The following TMEM272 variants were observed in gnomAD, a reference collection of about 807,000 sequenced individuals.
TMEM272 encodes the protein long intergenic non-protein coding RNA 282.
TMEM272 carries 8 observed loss-of-function variants against 3.7 expected under a neutral mutation model. That is an observed-to-expected ratio of 2.17 (90% CI 1.27 to 3.91). The LOEUF is 3.91. Among genes scored for constraint, TMEM272 ranks in the 30% most tolerant of loss-of-function variants. TMEM272 has a pLI of 0.00. For missense variants in TMEM272, 166 were observed against 91.5 expected (o/e 1.81, Z -3.32); for synonymous variants, 63 against 39.8 (o/e 1.58, Z -2.20).
At chr13:51,896,935 G>A in the TMEM272 span, among the ~76,000 whole-genome samples, 1 of 152,214 alleles carries the variant, frequency 6.6e-6, no homozygotes, top group Non-Finnish European at 1.5e-5. Flanking sequence ...ATTTAGATGA[G>A]CACCTTGACA....
the TMEM272 span, among the ~76,000 whole-genome samples, chr13:51,907,182 G>A: frequency 2.0e-5 from 3 of 152,150 alleles, no homozygotes; most frequent in Non-Finnish European, 2.9e-5. Context: ...TGTCTTGAAC[G>A]GCCTTTGACA....
chr13:51,906,423 T>C, the TMEM272 span, among the ~76,000 whole-genome samples: 1 of 152,134 alleles, frequency 6.6e-6, no homozygotes, highest in Admixed American at 6.5e-5. Context: ...TATTCTCATA[T>C]GAAAAACTAG....
chr13:51,865,735 AACTTTCTGGAAAAAGTACCGC>A, the TMEM272 span: 1 of 1,613,924 alleles, frequency 6.2e-7, no homozygotes, highest in Non-Finnish European at 8.5e-7. Flanking sequence ...AGGAAGAGAA[AACTTTCTGGAAAAAGTACCGC>A]ACTTTCTGGA....
the TMEM272 span, among the ~76,000 whole-genome samples, chr13:51,873,088 G>GA: frequency 6.6e-6 from 1 of 152,228 alleles, no homozygotes; most frequent in South Asian, 2.1e-4. Flanking sequence ...GGAGCAGTCG[G>GA]AAGTCATTAA....
chr13:51,908,624 A>G, the TMEM272 span: 1 of 1,487,498 alleles, frequency 6.7e-7, no homozygotes, highest in African/African-American at 1.4e-5. Flanking sequence ...AATTACCAAG[A>G]TTATCTTTGG....
chr13:51,902,975 C>T, the TMEM272 span, among the ~76,000 whole-genome samples: 1 of 152,208 alleles, frequency 6.6e-6, no homozygotes, highest in African/African-American at 2.4e-5. Context: ...GTGAGCAATA[C>T]TCAAAGCTGG....
chr13:51,826,822 A>T (rs994885105), intron 2 of TMEM272, among the ~76,000 whole-genome samples, 197 bp from the exon 3 acceptor site: 3 of 152,316 alleles, frequency 2.0e-5, no homozygotes, highest in Non-Finnish European at 4.4e-5. Flanking sequence ...CTTCTCAGAG[A>T]GCTGAACATC....
At chr13:51,901,133 T>C in the TMEM272 span, among the ~76,000 whole-genome samples, 1 of 152,128 alleles carries the variant, frequency 6.6e-6, no homozygotes, top group African/African-American at 2.4e-5. Flanking sequence ...CAATAAAACT[T>C]TTCTTTTTTT....
At chr13:51,889,618 GTT>G in the TMEM272 span, among the ~76,000 whole-genome samples, 1 of 150,768 alleles carries the variant, frequency 6.6e-6, no homozygotes, top group African/African-American at 2.5e-5. Flanking sequence ...AATCCGATTT[GTT>G]TTTTTGTGTG....
At chr13:51,843,975 T>C (rs984903509) in intron 1 of TMEM272, among the ~76,000 whole-genome samples, 1 of 152,184 alleles carries the variant, frequency 6.6e-6, no homozygotes, top group Non-Finnish European at 1.5e-5. Flanking sequence ...GAGACATTTT[T>C]AATAGTCATG....
At chr13:51,924,302 C>T in the TMEM272 span, among the ~76,000 whole-genome samples, 1 of 152,182 alleles carries the variant, frequency 6.6e-6, no homozygotes. Flanking sequence ...CACCTGTAAT[C>T]CCAACTCTTT....
upstream of TMEM272, among the ~76,000 whole-genome samples, chr13:51,846,727 T>C (rs1956308418): frequency 6.6e-6 from 1 of 152,176 alleles, no homozygotes; most frequent in African/African-American, 2.4e-5. Context: ...TGGAAGATAG[T>C]GATATTGATG....
At chr13:51,852,688 G>A in the TMEM272 span, among the ~76,000 whole-genome samples, 1 of 152,038 alleles carries the variant, frequency 6.6e-6, no homozygotes, top group Non-Finnish European at 1.5e-5. Context: ...GACCATCCTG[G>A]CCAACATGGT....
the TMEM272 span, among the ~76,000 whole-genome samples, chr13:51,892,580 T>C: frequency 6.6e-6 from 1 of 152,126 alleles, no homozygotes; most frequent in Non-Finnish European, 1.5e-5. Context: ...TCCACCTCCC[T>C]TTCCAGTCTT....
chr13:51,864,285 C>T, the TMEM272 span, among the ~76,000 whole-genome samples: 1 of 152,158 alleles, frequency 6.6e-6, no homozygotes, highest in East Asian at 1.9e-4. Flanking sequence ...CCTGCTAGCA[C>T]TGCAGAAGCC....
At chr13:51,843,520 A>G (rs953336166) in intron 1 of TMEM272, among the ~76,000 whole-genome samples, 2 of 152,234 alleles carry the variant, frequency 1.3e-5, no homozygotes, top group Non-Finnish European at 2.9e-5. Flanking sequence ...CCATTAAATG[A>G]TTGACTAAAA....
chr13:51,927,615 C>T, the TMEM272 span, among the ~76,000 whole-genome samples: 1 of 152,172 alleles, frequency 6.6e-6, no homozygotes, highest in Non-Finnish European at 1.5e-5. Context: ...TCACTTTCCT[C>T]ATCTCCACAC....
At chr13:51,908,394 G>A in the TMEM272 span, 3 of 1,485,644 alleles carry the variant, frequency 2.0e-6, no homozygotes, top group African/African-American at 4.2e-5. Context: ...TGCAAATGGA[G>A]CACGTGGTGG....
At chr13:51,886,134 A>G in the TMEM272 span, among the ~76,000 whole-genome samples, 2 of 152,144 alleles carry the variant, frequency 1.3e-5, no homozygotes, top group Non-Finnish European at 2.9e-5. Flanking sequence ...CCTCAAGGTA[A>G]TGGTTTGGGA....
Sources: allele counts gnomAD v4.1 joint callset (sites outside exome capture counted in the v4.1 genomes callset), GRCh38; gene constraint gnomAD v4.1.1; transcripts MANE v1.5; gene names NCBI Gene and HGNC (gene_info 2026-07-23, HGNC 2026-07-21).